The following ATP5F1E variants were observed in gnomAD, a reference collection of about 807,000 sequenced individuals.
ATP5F1E encodes the protein ATP synthase F1 subunit epsilon.
Under a neutral mutation model 7.0 loss-of-function variants are expected in ATP5F1E, and 5 were observed. The ratio of observed to expected loss-of-function variants is 0.71; its 90% CI spans 0.37 to 1.49. ATP5F1E has a LOEUF of 1.49. Among genes scored for constraint, ATP5F1E ranks in the 40% most tolerant of loss-of-function variants. The pLI, the probability that ATP5F1E is intolerant of heterozygous loss-of-function variation, is 0.03. For synonymous variants in ATP5F1E, 20 were observed against 20.1 expected, an observed-to-expected ratio of 0.99 and a Z score of 0.02; for missense variants, 59 against 57.1, an observed-to-expected ratio of 1.03 and a Z score of -0.11.
intron 2 of ATP5F1E, chr20:59,030,089 T>A: frequency 4.5e-6 from 2 of 442,702 alleles, no homozygotes; most frequent in Non-Finnish European, 8.2e-6. Context: ...AATGTGCCAA[T>A]TACTTCTGCT....
rs1369190550 is a variant in ATP5F1E, at chr20:59,027,996, T to G, written c.*849A>C. The G allele has an allele frequency of 6.6e-6, 1 of 152,252 alleles. No homozygotes were observed. Among genetic ancestry groups the G allele is most frequent in the African/African-American group, 2.4e-5 (1 of 41,470 alleles). 9.4% of individuals were successfully genotyped at this position (152,252 alleles called of 1,614,324 possible). A position where few individuals can be genotyped will look rare whatever the true frequency, so the allele number is the denominator to read the frequency against. ...ACAGTTAAAATCAGGCAGTTAACTT[T>G]GCAATGGTGTTTTACTTGCCCAAGC... is the stretch of plus-strand genomic sequence containing the variant. On this transcript the variant is annotated 3_prime_UTR_variant, in exon 3 of 3. Coordinates refer to ENST00000243997, the MANE Select transcript of ATP5F1E (RefSeq NM_006886.4).
At chr20:59,030,892 T>C (rs1325846532) in intron 1 of ATP5F1E, among the ~76,000 whole-genome samples, 1 of 152,252 alleles carries the variant, frequency 6.6e-6, no homozygotes, top group East Asian at 1.9e-4. Flanking sequence ...CAATTCGTTC[T>C]AAATTATTTA....
chr20:59,030,437 A>G lies in ATP5F1E; in HGVS notation c.33-8T>C. 1 of 1,613,274 alleles carries G rather than the reference A, an allele frequency of 6.2e-7. No individual in the cohort carries two copies. The highest frequency in any genetic ancestry group is 8.5e-7 in the Non-Finnish European group (1 of 1,179,522). ...TGGGAGTATCGGATGTAGCTGGGAG[A>G]AAATGAGAGAAGGTATATGGTTAAT... On this transcript the variant is annotated splice_polypyrimidine_tract_variant and splice_region_variant and intron_variant, in intron 1 of 2. Coordinates refer to ENST00000243997, the MANE Select transcript of ATP5F1E (RefSeq NM_006886.4).
chr20:59,029,986 C>T (rs1035054307), intron 2 of ATP5F1E: 6 of 336,260 alleles, frequency 1.8e-5, no homozygotes, highest in African/African-American at 1.1e-4. Context: ...GGAGTTCATC[C>T]TCCAAATTAT....
At chr20:59,029,987 T>C in intron 2 of ATP5F1E, 1 of 338,268 alleles carries the variant, frequency 3.0e-6, no homozygotes, top group Non-Finnish European at 5.7e-6. Flanking sequence ...GAGTTCATCC[T>C]CCAAATTATT....
Position 59,026,988 on chromosome 20 carries a change from T to C in ATP5F1E, c.*1857A>G, listed in dbSNP as rs2091998170. ...GGTCTGACTGGGGTCACCTCATCAC[T>C]GGGCACAGTCATCCTGCCAGCTACC... On this transcript the variant is annotated 3_prime_UTR_variant, in exon 3 of 3. Transcript: ENST00000243997. The C allele has an allele frequency of 6.6e-6, 1 of 152,230 alleles. No homozygotes were observed. The highest frequency in any genetic ancestry group is 1.5e-5 in the Non-Finnish European group (1 of 68,038). The allele number at this position is 152,230 out of a possible 1,614,324, so 9.4% of individuals were successfully genotyped here. A position where few individuals can be genotyped will look rare whatever the true frequency, so the allele number is the denominator to read the frequency against.
rs751242838 is a variant in ATP5F1E, at chr20:59,032,291, G to C, written c.-40C>G. 5 of 1,590,622 alleles carry C rather than the reference G, an allele frequency of 3.1e-6. No homozygotes were observed. In the African/African-American group the frequency reaches 5.4e-5, roughly 17 times the overall value. ...GGAGCTCGTCGGGCCGAATCGCCAA[G>C]ACGCCGGCAATGTCGGCTCAGCCGG... is the stretch of plus-strand genomic sequence containing the variant. On this transcript the variant is annotated 5_prime_UTR_variant, in exon 1 of 3. Coordinates refer to ENST00000243997, the MANE Select transcript of ATP5F1E (RefSeq NM_006886.4).
At chr20:59,031,655 C>A (rs2092031110) in intron 1 of ATP5F1E, among the ~76,000 whole-genome samples, 1 of 152,196 alleles carries the variant, frequency 6.6e-6, no homozygotes, top group South Asian at 2.1e-4. Context: ...TTCCAGGAGC[C>A]ACCTCTCATC....
rs1006119034 is a variant in ATP5F1E, at chr20:59,025,644, C to A, written c.*3201G>T. 1.3e-5 allele frequency: 2 copies of A among 152,176 alleles called. No individual in the cohort carries two copies. The highest frequency in any genetic ancestry group is 2.4e-5 in the African/African-American group (1 of 41,440). The allele number at this position is 152,176 out of a possible 1,614,324, so 9.4% of individuals were successfully genotyped here. On this transcript the variant is annotated 3_prime_UTR_variant, in exon 3 of 3. Transcript: ENST00000243997. ...TTTCACTTTCATTCAGTCATCACCC[C>A]CCAAAATGCTCTGCAGCCTCTCTGC...
In ATP5F1E at chr20:59,028,092, G is replaced by C. The variant is rs1458353428; in HGVS notation, c.*753C>G. 1.3e-5 allele frequency: 2 copies of C among 152,176 alleles called. No individual in the cohort carries two copies. Among genetic ancestry groups the C allele is most frequent in the African/African-American group, 2.4e-5 (1 of 41,432 alleles). 9.4% of individuals were successfully genotyped at this position (152,176 alleles called of 1,614,324 possible). ...TTTCATCCCTAAATAATGAATGAAT[G>C]AATCACTATGGAAATACCACGAAAC... On this transcript the variant is annotated 3_prime_UTR_variant, in exon 3 of 3. Transcript: ENST00000243997.
At chr20:59,031,181 T>C (rs1020499325) in intron 1 of ATP5F1E, among the ~76,000 whole-genome samples, 1 of 152,092 alleles carries the variant, frequency 6.6e-6, no homozygotes, top group Non-Finnish European at 1.5e-5. Flanking sequence ...GAGGTATGAG[T>C]TCCAATGCCT....
At chr20:59,029,895 G>A (rs2092015038) in intron 2 of ATP5F1E, 8 of 260,310 alleles carry the variant, frequency 3.1e-5, no homozygotes, top group Middle Eastern at 1.4e-3. Flanking sequence ...TAGTGGTTGT[G>A]GGGGAAATAA....
chr20:59,030,238 T>C lies in ATP5F1E; in HGVS notation c.*3+65A>G, dbSNP rs1039225025. Reference sequence around the variant, plus strand: ...AATAGAACCCAAAACTAAAATTATTTTGATCTTTATGGTGCTCCAAAAACT... The same window carrying C: ...AATAGAACCCAAAACTAAAATTATTCTGATCTTTATGGTGCTCCAAAAACT... On this transcript the variant is annotated intron_variant, in intron 2 of 2. Coordinates refer to ENST00000243997, the MANE Select transcript of ATP5F1E (RefSeq NM_006886.4). The C allele has an allele frequency of 4.5e-5, 71 of 1,594,974 alleles. No homozygotes were observed. The Middle Eastern group carries it at 5.2e-4, about 12-fold the overall frequency.
chr20:59,030,991 G>A (rs942442823), intron 1 of ATP5F1E, among the ~76,000 whole-genome samples: 1 of 152,212 alleles, frequency 6.6e-6, no homozygotes, highest in Non-Finnish European at 1.5e-5. Context: ...AAACTGAAAA[G>A]TGCTTAGAGA....
intron 1 of ATP5F1E, 53 bp from the exon 2 acceptor site, chr20:59,030,482 C>G (rs1601243940): frequency 1.9e-6 from 3 of 1,606,332 alleles, no homozygotes; most frequent in East Asian, 2.2e-5. Flanking sequence ...TCCAGCCAGA[C>G]AGCTGTTACT....
Position 59,032,315 on chromosome 20 carries a change from G to T in ATP5F1E, c.-64C>A. The T allele has an allele frequency of 6.4e-7, 1 of 1,564,776 alleles. No homozygotes were observed. Among genetic ancestry groups the T allele is most frequent in the Middle Eastern group, 1.7e-4 (1 of 5,898 alleles). On this transcript the variant is annotated 5_prime_UTR_variant, in exon 1 of 3. Transcript: ENST00000243997. ...AGACGCCGGCAATGTCGGCTCAGCC[G>T]GGCGGTTCAGCCGCAGGAAGATCAG...
In ATP5F1E at chr20:59,028,390, A is replaced by G. The variant is rs1178390221; in HGVS notation, c.*455T>C. ...TTCTAATCTACACTTTTAGTATTTA[A>G]TAATTATTTCCATTTGTTACTGATA... On this transcript the variant is annotated 3_prime_UTR_variant, in exon 3 of 3. Coordinates refer to ENST00000243997, the MANE Select transcript of ATP5F1E (RefSeq NM_006886.4). 1 of 152,276 alleles carries G rather than the reference A, an allele frequency of 6.6e-6. No individual in the cohort carries two copies. The highest frequency in any genetic ancestry group is 6.5e-5 in the Admixed American group (1 of 15,290). 9.4% of individuals were successfully genotyped at this position (152,276 alleles called of 1,614,324 possible). A position where few individuals can be genotyped will look rare whatever the true frequency, so the allele number is the denominator to read the frequency against.
chr20:59,025,755 T>C lies in ATP5F1E; in HGVS notation c.*3090A>G, dbSNP rs1437314549. ...ATGGCTGCAGTGTCCTTCTCAGTTATGGAGGACATCGTCTCATTAGGGAAC... is the reference window on the plus strand; with the variant it reads ...ATGGCTGCAGTGTCCTTCTCAGTTACGGAGGACATCGTCTCATTAGGGAAC... On this transcript the variant is annotated 3_prime_UTR_variant, in exon 3 of 3. Coordinates refer to ENST00000243997, the MANE Select transcript of ATP5F1E (RefSeq NM_006886.4). The C allele has an allele frequency of 6.6e-6, 1 of 152,276 alleles. No homozygotes were observed. The highest frequency in any genetic ancestry group is 1.5e-5 in the Non-Finnish European group (1 of 68,046). The allele number at this position is 152,276 out of a possible 1,614,324, so 9.4% of individuals were successfully genotyped here.
rs2091999967 is a variant in ATP5F1E at position 59,027,361 on chromosome 20, C to G, written c.*1484G>C. The G allele has an allele frequency of 6.6e-6, 1 of 152,198 alleles. No homozygotes were observed. The highest frequency in any genetic ancestry group is 1.5e-5 in the Non-Finnish European group (1 of 68,054). 9.4% of individuals were successfully genotyped at this position (152,198 alleles called of 1,614,324 possible). On this transcript the variant is annotated 3_prime_UTR_variant, in exon 3 of 3. Coordinates refer to ENST00000243997, the MANE Select transcript of ATP5F1E (RefSeq NM_006886.4). ...CATCTATATACCAGTAATACCCCAT[C>G]TGCCTCCTTAACATACCATCTATAT...
Sources: gnomAD v4.1 joint callset for allele counts (sites outside exome capture counted in the v4.1 genomes callset) on GRCh38, gnomAD v4.1.1 for gene constraint, MANE v1.5 for transcripts, NCBI Gene and HGNC (gene_info 2026-07-23, HGNC 2026-07-21) for gene names.